The following EPHA6 variants were observed in gnomAD, a reference collection of about 807,000 sequenced individuals.
EPHA6 encodes the protein ephrin type-A receptor 6.
Under a neutral mutation model 112.0 loss-of-function variants are expected in EPHA6, and 50 were observed. That is an observed-to-expected ratio of 0.45 (90% confidence interval 0.36 to 0.56). The LOEUF is 0.56. Ranked by LOEUF, EPHA6 falls within the 20% of genes least tolerant of loss-of-function variation. The pLI is 0.00. For missense variants in EPHA6, 1,280 were observed against 1,417.4 expected, an observed-to-expected ratio of 0.90 and a Z score of 1.56; for synonymous variants, 529 against 490.7, an observed-to-expected ratio of 1.08 and a Z score of -1.03.
intron 3 of EPHA6, among the ~76,000 whole-genome samples, chr3:97,211,088 A>T (rs891639981): frequency 3.3e-5 from 5 of 152,254 alleles, no homozygotes; most frequent in African/African-American, 1.2e-4. Flanking sequence ...AGGAAATCAT[A>T]TAAAGTCACT....
At chr3:97,555,354 A>C (rs2093090858) in intron 11 of EPHA6, among the ~76,000 whole-genome samples, 1 of 151,958 alleles carries the variant, frequency 6.6e-6, no homozygotes, top group South Asian at 2.1e-4. Context: ...GTTGGTTCTA[A>C]GTCTTTGCTA....
intron 3 of EPHA6, among the ~76,000 whole-genome samples, chr3:97,104,789 G>A (rs1394768385): frequency 6.6e-6 from 1 of 151,900 alleles, no homozygotes; most frequent in African/African-American, 2.4e-5. Context: ...TTTTTGGTTG[G>A]TAGCTAATTA....
At chr3:97,251,566 G>T (rs571451911) in intron 5 of EPHA6, among the ~76,000 whole-genome samples, 3 of 152,208 alleles carry the variant, frequency 2.0e-5, no homozygotes, top group African/African-American at 7.2e-5. Flanking sequence ...TTTCAAAGTG[G>T]ATGGATTATT....
In EPHA6 at chr3:96,887,366, T is replaced by C. The variant is rs115363716; in HGVS notation, c.450+20477T>C. Among the ~76,000 whole-genome samples, 1,092 of 152,246 alleles carry C rather than the reference T, an allele frequency of 7.2e-3. 11 individuals carry two copies. The highest frequency in any genetic ancestry group is 0.025 in the African/African-American group (1,024 of 41,546). On this transcript the variant is annotated intron_variant, in intron 2 of 17. Transcript: ENST00000389672. ...CAGTGATTGTCTTCTCTCTTCTGGG[T>C]CTAGCCACTCAGTGAGTCTACCCGG...
intron 3 of EPHA6, among the ~76,000 whole-genome samples, chr3:97,205,173 C>T (rs2077684123): frequency 6.6e-6 from 1 of 151,888 alleles, no homozygotes; most frequent in African/African-American, 2.4e-5. Flanking sequence ...TAACCTATTG[C>T]TTTTGCTTGT....
At chr3:97,621,000 T>C (rs1201063816) in intron 13 of EPHA6, among the ~76,000 whole-genome samples, 4 of 151,856 alleles carry the variant, frequency 2.6e-5, no homozygotes, top group East Asian at 1.9e-4. Flanking sequence ...ATTGCAAAGA[T>C]GTGGAATCAA....
chr3:97,117,756 T>C (rs1576518425), intron 3 of EPHA6, among the ~76,000 whole-genome samples: 1 of 151,840 alleles, frequency 6.6e-6, no homozygotes, highest in East Asian at 1.9e-4. Context: ...TGTATTTGTT[T>C]GCAAGCAACT....
At chr3:97,303,023 T>A (rs527240593) in intron 5 of EPHA6, among the ~76,000 whole-genome samples, 1 of 151,940 alleles carries the variant, frequency 6.6e-6, no homozygotes, top group Admixed American at 6.6e-5. Context: ...ACTCAAGTAA[T>A]GAAACCAAGG....
At chr3:97,097,731 G>GT (rs1304600174) in intron 3 of EPHA6, among the ~76,000 whole-genome samples, 1 of 151,778 alleles carries the variant, frequency 6.6e-6, no homozygotes, top group African/African-American at 2.4e-5. Context: ...TACAATAAAT[G>GT]TTTTTTAGTA....
In EPHA6 at chr3:97,095,844, A is replaced by G. The variant is rs1275159959; in HGVS notation, c.1114+107851A>G. On this transcript the variant is annotated intron_variant, in intron 3 of 17. Transcript: ENST00000389672. ...TTTTAGATCAGTAAGTCTGGAGAGGAGCTTGAGAATTTTCATTTCTAGTAA... is the reference window on the plus strand; with the variant it reads ...TTTTAGATCAGTAAGTCTGGAGAGGGGCTTGAGAATTTTCATTTCTAGTAA... Among the ~76,000 whole-genome samples the G allele has an allele frequency of 2.6e-5, 4 of 152,056 alleles. No individual in the cohort carries two copies. In the East Asian group the frequency reaches 5.8e-4, roughly 22 times the overall value.
intron 6 of EPHA6, among the ~76,000 whole-genome samples, chr3:97,425,643 A>G (rs2089052493): frequency 6.6e-6 from 1 of 152,050 alleles, no homozygotes; most frequent in Non-Finnish European, 1.5e-5. Context: ...CATTTTCCCC[A>G]TTGTCTTGGT....
intron 5 of EPHA6, among the ~76,000 whole-genome samples, chr3:97,349,388 T>C (rs75862191): frequency 0.026 from 3,950 of 152,172 alleles, 66 homozygotes; most frequent in Middle Eastern, 0.061. Context: ...CATATACTTA[T>C]GTTTCTCTTC....
chr3:97,419,959 T>C (rs2107178734), intron 6 of EPHA6, among the ~76,000 whole-genome samples: 1 of 152,110 alleles, frequency 6.6e-6, no homozygotes, highest in East Asian at 1.9e-4. Context: ...TCTGTGTACA[T>C]TAAAGTAAAA....
At chr3:96,829,080 A>T (rs2033848924) in intron 1 of EPHA6, among the ~76,000 whole-genome samples, 1 of 152,152 alleles carries the variant, frequency 6.6e-6, no homozygotes, top group Non-Finnish European at 1.5e-5. Flanking sequence ...GCCCAACTTT[A>T]TAATGGTTGT....
chr3:96,841,030 G>A (rs968524239), intron 1 of EPHA6, among the ~76,000 whole-genome samples: 1 of 151,990 alleles, frequency 6.6e-6, no homozygotes, highest in African/African-American at 2.4e-5. Flanking sequence ...AGTCTCAGGA[G>A]GTCCCGATGA....
At chr3:96,954,761 T>TTACTGGTG (rs1006879746) in intron 2 of EPHA6, among the ~76,000 whole-genome samples, 2 of 150,888 alleles carry the variant, frequency 1.3e-5, no homozygotes, top group African/African-American at 4.9e-5. Context: ...TCTTAAATTT[T>TTACTGGTG]TACTGGTGTG....
In EPHA6 at chr3:97,467,147, G is replaced by C. The variant is rs551348493; in HGVS notation, c.1895-8205G>C. ...AACGCTATGAGGAAATCACACTTCA[G>C]TTTTCTTCATCTCCCCAAGCTCTAT... On this transcript the variant is annotated intron_variant, in intron 7 of 17. Coordinates refer to ENST00000389672, the MANE Select transcript of EPHA6 (RefSeq NM_001080448.3). 1.0e-3 allele frequency among the ~76,000 whole-genome samples: 159 copies of C among 151,734 alleles called. 1 individual carries two copies. The highest frequency in any genetic ancestry group is 1.7e-3 in the Non-Finnish European group (112 of 67,780).
At chr3:96,840,259 C>G (rs1171037618) in intron 1 of EPHA6, among the ~76,000 whole-genome samples, 1 of 152,102 alleles carries the variant, frequency 6.6e-6, no homozygotes, top group Non-Finnish European at 1.5e-5. Context: ...AGATACCCAA[C>G]TAATTCTGCC....
chr3:96,874,255 A>C (rs1344813379), intron 2 of EPHA6, among the ~76,000 whole-genome samples: 1 of 152,184 alleles, frequency 6.6e-6, no homozygotes, highest in Non-Finnish European at 1.5e-5. Flanking sequence ...TTTGAAGCTT[A>C]ATAATCAAAC....
Sources: allele counts gnomAD v4.1 joint callset (sites outside exome capture counted in the v4.1 genomes callset), GRCh38; gene constraint gnomAD v4.1.1; transcripts MANE v1.5; gene names NCBI Gene and HGNC (gene_info 2026-07-23, HGNC 2026-07-21).